Variants in ADNP observed in about 807,000 individuals in gnomAD.
ADNP encodes activity dependent neuroprotector homeobox.
Under a neutral mutation model 84.9 loss-of-function variants are expected in ADNP, and 4 were observed. That is an observed-to-expected ratio of 0.05 (90% confidence interval 0.02 to 0.11). The LOEUF is 0.11. Ranked by LOEUF, ADNP falls within the 10% of genes least tolerant of loss-of-function variation. The pLI is 1.00. For synonymous variants in ADNP, 554 were observed against 468.1 expected (o/e 1.18, Z -2.37); for missense variants, 1,132 against 1,326.0 (o/e 0.85, Z 2.27).
At chr20:50,900,714 A>G (rs1389154617) in intron 5 of ADNP, among the ~76,000 whole-genome samples, 2 of 152,210 alleles carry the variant, frequency 1.3e-5, no homozygotes, top group Non-Finnish European at 2.9e-5. Context: ...TACAAGAGAT[A>G]AAGCTATATC....
chr20:50,896,989 T>G (rs1981470350), intron 5 of ADNP, among the ~76,000 whole-genome samples: 1 of 152,248 alleles, frequency 6.6e-6, no homozygotes, highest in Non-Finnish European at 1.5e-5. Flanking sequence ...TCACCCAAGC[T>G]GGAGTGCAAT....
At chr20:50,897,677 A>G (rs1197484814) in intron 5 of ADNP, among the ~76,000 whole-genome samples, 1 of 152,222 alleles carries the variant, frequency 6.6e-6, no homozygotes, top group Admixed American at 6.5e-5. Flanking sequence ...ACGACAGGAC[A>G]AAGGCCTTTC....
At chr20:50,906,352 A>G (rs920797766) in intron 2 of ADNP, among the ~76,000 whole-genome samples, 10 of 152,256 alleles carry the variant, frequency 6.6e-5, no homozygotes, top group Admixed American at 3.3e-4. Flanking sequence ...GGATGCCCAC[A>G]GATACCTAAG....
chr20:50,923,212 T>C (rs1984071909), intron 2 of ADNP, among the ~76,000 whole-genome samples: 1 of 152,204 alleles, frequency 6.6e-6, no homozygotes, highest in Non-Finnish European at 1.5e-5. Flanking sequence ...TTCAGAAGCA[T>C]GCCAAGTCTT....
At chr20:50,930,027 C>G (rs1984566359) in intron 1 of ADNP, among the ~76,000 whole-genome samples, 1 of 151,530 alleles carries the variant, frequency 6.6e-6, no homozygotes, top group African/African-American at 2.4e-5. Flanking sequence ...TTCCAGCAGA[C>G]AGGGATCAAG....
At chr20:50,904,214 GAC>G (rs1982259909) in intron 3 of ADNP, 1 of 543,568 alleles carries the variant, frequency 1.8e-6, no homozygotes, top group Non-Finnish European at 3.3e-6. Context: ...CTTTTCTTAA[GAC>G]AGAGTCTTAC....
At position 50,894,433 on chromosome 20, in the gene ADNP, C is replaced by T. The variant is rs1465944504; in HGVS notation, c.281G>A (p.Arg94His). 2 of 1,613,212 alleles carry T rather than the reference C, an allele frequency of 1.2e-6. No individual in the cohort carries two copies. The highest frequency in any genetic ancestry group is 1.7e-5 in the Admixed American group (1 of 59,754). ...TTCAAAGTCTTCACTATGGACATTG[C>T]GGAAATGACTTTTGTAGGCAGAGAA... ...KFFSAYKSHF[R>H]NVHSEDFENR... The change falls in exon 6 of 6, where the codon CGC (arginine) becomes CAC (histidine). Residue 94 changes from arginine to histidine, a missense_variant. This residue lies in a region of ADNP where 5 missense variants were observed against 40.3 expected (regional missense o/e 0.12). Coordinates refer to ENST00000621696, the MANE Select transcript of ADNP (RefSeq NM_001282531.3).
intron 2 of ADNP, among the ~76,000 whole-genome samples, chr20:50,921,303 T>C (rs1294445442): frequency 2.0e-5 from 3 of 152,242 alleles, no homozygotes; most frequent in Admixed American, 1.3e-4. Flanking sequence ...GTAGTGTTTT[T>C]ATACAATATT....
At chr20:50,910,593 A>G (rs1982933711) in intron 2 of ADNP, among the ~76,000 whole-genome samples, 1 of 152,140 alleles carries the variant, frequency 6.6e-6, no homozygotes, top group Non-Finnish European at 1.5e-5. Flanking sequence ...CCTCTAAATA[A>G]ATAGAGAGTA....
In ADNP at chr20:50,889,598, T is replaced by C; in HGVS notation, c.*1807A>G. 3.0e-6 allele frequency: 1 copy of C among 330,384 alleles called. No homozygotes were observed. Among genetic ancestry groups the C allele is most frequent in the Non-Finnish European group, 5.4e-6 (1 of 183,594 alleles). The allele number at this position is 330,384 out of a possible 1,614,324, so 20.5% of individuals were successfully genotyped here. ...CTGGTAACAGCATTAACAAGAGTCT[T>C]TCTTTTGGAAACAGACTCAGAAGTT... On this transcript the variant is annotated 3_prime_UTR_variant, in exon 6 of 6. Coordinates refer to ENST00000621696, the MANE Select transcript of ADNP (RefSeq NM_001282531.3).
intron 2 of ADNP, chr20:50,914,258 T>C: frequency 7.1e-6 from 5 of 708,724 alleles, no homozygotes; most frequent in Admixed American, 4.2e-5. Context: ...CCTCCACACT[T>C]AGTCTGTGAT....
chr20:50,924,624 A>G lies in ADNP; in HGVS notation c.-90+4027T>C, dbSNP rs138785309. ...AGTTTATAAAGTGCTTGGAAAATAAAACAGACAAGCCACCAATACTATAAT... is the reference window on the plus strand; with the variant it reads ...AGTTTATAAAGTGCTTGGAAAATAAGACAGACAAGCCACCAATACTATAAT... On this transcript the variant is annotated intron_variant, in intron 2 of 5. Coordinates refer to ENST00000621696, the MANE Select transcript of ADNP (RefSeq NM_001282531.3). 2.9e-3 allele frequency among the ~76,000 whole-genome samples: 446 copies of G among 152,336 alleles called. 1 individual carries two copies. Among genetic ancestry groups the G allele is most frequent in the African/African-American group, 0.01 (430 of 41,566 alleles).
intron 5 of ADNP, among the ~76,000 whole-genome samples, chr20:50,899,132 T>G (rs1451508464): frequency 2.6e-5 from 4 of 152,112 alleles, no homozygotes; most frequent in Non-Finnish European, 5.9e-5. Context: ...GGGCTAGCTT[T>G]TGGTATATGC....
chr20:50,897,044 C>T (rs1288144288), intron 5 of ADNP, among the ~76,000 whole-genome samples: 3 of 152,176 alleles, frequency 2.0e-5, no homozygotes, highest in East Asian at 3.9e-4. Flanking sequence ...CGGGTTCAAG[C>T]GATTCTCCTG....
chr20:50,923,690 G>A (rs938105511), intron 2 of ADNP, among the ~76,000 whole-genome samples: 4 of 152,094 alleles, frequency 2.6e-5, no homozygotes, highest in African/African-American at 7.2e-5. Flanking sequence ...GATAACTTTT[G>A]TATTTTTAGT....
intron 5 of ADNP, among the ~76,000 whole-genome samples, chr20:50,901,782 C>T (rs1982010846): frequency 6.6e-6 from 1 of 152,218 alleles, no homozygotes. Context: ...GGCTTCGTAA[C>T]TTTTAAGTAA....
At chr20:50,905,787 T>C (rs981380918) in intron 2 of ADNP, among the ~76,000 whole-genome samples, 1 of 152,248 alleles carries the variant, frequency 6.6e-6, no homozygotes, top group African/African-American at 2.4e-5. Flanking sequence ...ACTACAGACT[T>C]AGAAGTCACT....
intron 1 of ADNP, among the ~76,000 whole-genome samples, chr20:50,930,302 A>AT (rs1190304742): frequency 6.6e-6 from 1 of 152,002 alleles, no homozygotes; most frequent in Non-Finnish European, 1.5e-5. Flanking sequence ...GGGAAGAAGG[A>AT]TTGCACAGGG....
rs1441739684 is a variant in ADNP at position 50,912,958 on chromosome 20, C to T, written c.-89-8109G>A. 2.0e-5 allele frequency among the ~76,000 whole-genome samples: 3 copies of T among 151,886 alleles called. No individual in the cohort carries two copies. The East Asian group carries it at 5.8e-4, about 29-fold the overall frequency. The stretch of plus-strand genomic sequence containing the variant: ...ATGACGCTATTACTAGTGAAGAAAA[C>T]GGCAGCTGTCAGGATGGGCGCCATG... On this transcript the variant is annotated intron_variant, in intron 2 of 5. Transcript: ENST00000621696.
Sources: gnomAD v4.1 joint callset for allele counts (sites outside exome capture counted in the v4.1 genomes callset) on GRCh38, gnomAD v4.1.1 for gene constraint, gnomAD v4.1.1 regional missense constraint, MANE v1.5 for transcripts, NCBI Gene and HGNC (gene_info 2026-07-23, HGNC 2026-07-21) for gene names.